Variants in GALNT13 observed in about 807,000 individuals in gnomAD.
GALNT13 encodes the protein polypeptide N-acetylgalactosaminyltransferase 13, also known as UDP-GalNAc:polypeptide N-acetylgalactosaminyltransferase 13.
GALNT13 carries 28 observed loss-of-function variants against 64.2 expected under a neutral mutation model. The observed-to-expected ratio is 0.44, with a 90% CI of 0.32 to 0.60. GALNT13 has a LOEUF of 0.60. Ranked by LOEUF, GALNT13 falls within the 20% of genes least tolerant of loss-of-function variation. GALNT13 has a pLI of 0.05. For synonymous variants in GALNT13, 214 were observed against 224.6 expected (o/e 0.95, Z 0.42); for missense variants, 577 against 669.8 (o/e 0.86, Z 1.53).
In GALNT13 at chr2:154,298,633, T is replaced by TA. The variant is rs1559075761; in HGVS notation, c.976-2774dup. Among the ~76,000 whole-genome samples, 46 of 23,592 alleles carry TA rather than the reference T, an allele frequency of 1.9e-3. 7 individuals carry two copies. The highest frequency in any genetic ancestry group is 6.9e-3 in the African/African-American group (20 of 2,916). The allele number at this position is 23,592 out of a possible 152,430, so 15.5% of individuals were successfully genotyped here. A position where few individuals can be genotyped will look rare whatever the true frequency, so the allele number is the denominator to read the frequency against. ...TTAATTTATATATACATTGTATATA[T>TA]AATTTATATATACATTGTATATACA... On this transcript the variant is annotated intron_variant, in intron 8 of 12. Transcript: ENST00000392825.
intron 3 of GALNT13, among the ~76,000 whole-genome samples, chr2:154,031,171 A>T (rs1189464922): frequency 6.6e-6 from 1 of 152,136 alleles, no homozygotes; most frequent in Non-Finnish European, 1.5e-5. Flanking sequence ...GTGTTACAAC[A>T]TTCTTATAAT....
chr2:153,769,680 CT>C, the GALNT13 span, among the ~76,000 whole-genome samples: 2 of 152,106 alleles, frequency 1.3e-5, no homozygotes, highest in African/African-American at 4.8e-5. Flanking sequence ...ATCTTCCATA[CT>C]TTTTTACTTT....
chr2:153,307,802 T>C, the GALNT13 span, among the ~76,000 whole-genome samples: 2 of 152,168 alleles, frequency 1.3e-5, no homozygotes, highest in Non-Finnish European at 2.9e-5. Context: ...TTTGAAAATG[T>C]AATTAAAGAT....
intron 9 of GALNT13, among the ~76,000 whole-genome samples, chr2:154,345,362 G>C (rs1696013573): frequency 6.6e-6 from 1 of 151,988 alleles, no homozygotes; most frequent in African/African-American, 2.4e-5. Context: ...CCAGGTTGAA[G>C]GTTTCCTCCT....
At chr2:153,264,576 G>C in the GALNT13 span, among the ~76,000 whole-genome samples, 1 of 152,170 alleles carries the variant, frequency 6.6e-6, no homozygotes, top group Non-Finnish European at 1.5e-5. Flanking sequence ...AAGAAATGTG[G>C]TACATATGAA....
intron 4 of GALNT13, among the ~76,000 whole-genome samples, chr2:154,172,516 C>T (rs1685414874): frequency 6.6e-6 from 1 of 151,944 alleles, no homozygotes; most frequent in Non-Finnish European, 1.5e-5. Flanking sequence ...ACTTTTAGCT[C>T]CTACTCATGA....
At chr2:154,028,960 G>T (rs1698160805) in intron 3 of GALNT13, among the ~76,000 whole-genome samples, 1 of 152,000 alleles carries the variant, frequency 6.6e-6, no homozygotes, top group South Asian at 2.1e-4. Flanking sequence ...CTTAGGAGGA[G>T]ACATGAGCAC....
the GALNT13 span, among the ~76,000 whole-genome samples, chr2:153,732,975 T>C: frequency 6.6e-6 from 1 of 152,106 alleles, no homozygotes; most frequent in Non-Finnish European, 1.5e-5. Context: ...TGAAGGTAGT[T>C]GTGTTTCTTT....
chr2:153,900,743 G>A (rs563867277), intron 1 of GALNT13, among the ~76,000 whole-genome samples, 193 bp from the exon 2 acceptor site: 9 of 151,894 alleles, frequency 5.9e-5, no homozygotes, highest in Non-Finnish European at 1.2e-4. Context: ...CTGATGTTTT[G>A]GAATATTTGC....
chr2:154,450,419 G>T lies in GALNT13; in HGVS notation c.1539G>T (p.Thr513=), dbSNP rs758542142. ...QLWEYDAERL[T]LRHVNSNQCL... The stretch of plus-strand genomic sequence containing the variant: ...TTGGTTATCTTTTACAGAGACTCAC[G>T]TTGCGACATGTTAACAGTAACCAAT... The change falls in exon 13 of 13, where the codon ACG becomes ACT. Residue 513 remains threonine (T), a synonymous_variant. Transcript: ENST00000392825. 1.2e-6 allele frequency: 2 copies of T among 1,610,488 alleles called. No homozygotes were observed. Among genetic ancestry groups the T allele is most frequent in the Non-Finnish European group, 1.7e-6 (2 of 1,178,352 alleles).
the GALNT13 span, chr2:153,762,533 A>AT: frequency 5.6e-6 from 1 of 179,346 alleles, no homozygotes; most frequent in Non-Finnish European, 1.2e-5. Flanking sequence ...CTCCATTTGG[A>AT]TTTTTATCAG....
At chr2:154,325,009 C>T (rs1694807827) in intron 9 of GALNT13, among the ~76,000 whole-genome samples, 1 of 152,182 alleles carries the variant, frequency 6.6e-6, no homozygotes, top group South Asian at 2.1e-4. Context: ...GAGACCCAGC[C>T]TTCATTCTTC....
the GALNT13 span, among the ~76,000 whole-genome samples, chr2:153,250,507 T>A: frequency 6.6e-6 from 1 of 152,194 alleles, no homozygotes; most frequent in Non-Finnish European, 1.5e-5. Flanking sequence ...GAAATACCAT[T>A]TGATCCATCA....
chr2:153,105,247 T>C, the GALNT13 span, among the ~76,000 whole-genome samples: 3 of 151,892 alleles, frequency 2.0e-5, no homozygotes, highest in African/African-American at 7.3e-5. Context: ...TAATCCAGCA[T>C]ATAAACAGAA....
At chr2:153,126,349 A>C in the GALNT13 span, among the ~76,000 whole-genome samples, 1 of 133,374 alleles carries the variant, frequency 7.5e-6, no homozygotes. Context: ...TATATATATG[A>C]TATTAAGGAA....
At chr2:153,575,811 A>G in the GALNT13 span, among the ~76,000 whole-genome samples, 1 of 152,228 alleles carries the variant, frequency 6.6e-6, no homozygotes, top group African/African-American at 2.4e-5. Context: ...TCTGGAATAG[A>G]GAACGCCAAG....
At chr2:153,137,986 C>T in the GALNT13 span, among the ~76,000 whole-genome samples, 1 of 152,028 alleles carries the variant, frequency 6.6e-6, no homozygotes, top group Non-Finnish European at 1.5e-5. Context: ...GTGCTTCCTA[C>T]CATGTTAATT....
chr2:153,095,733 T>C, the GALNT13 span, among the ~76,000 whole-genome samples: 1 of 152,130 alleles, frequency 6.6e-6, no homozygotes, highest in Non-Finnish European at 1.5e-5. Flanking sequence ...TCATGTGCTT[T>C]GTAGGGACCT....
At chr2:153,754,885 T>C in the GALNT13 span, among the ~76,000 whole-genome samples, 3 of 152,198 alleles carry the variant, frequency 2.0e-5, no homozygotes, top group Non-Finnish European at 4.4e-5. Context: ...AATTTTCCTC[T>C]GTCTAGGGCT....
Sources: gnomAD v4.1 joint callset for allele counts (sites outside exome capture counted in the v4.1 genomes callset) on GRCh38, gnomAD v4.1.1 for gene constraint, MANE v1.5 for transcripts, NCBI Gene and HGNC (gene_info 2026-07-23, HGNC 2026-07-21) for gene names.